Variants in ECPAS observed in about 807,000 individuals in gnomAD.
The protein encoded by ECPAS is proteasome adapter and scaffold protein ECM29.
A neutral mutation model predicts 255.1 loss-of-function variants in ECPAS; 70 were observed. The observed-to-expected ratio is 0.27, with a 90% CI of 0.23 to 0.33. ECPAS has a LOEUF of 0.33. Ranked by LOEUF, ECPAS falls within the 10% of genes least tolerant of loss-of-function variation. The pLI is 1.00. For missense variants in ECPAS, 1,817 were observed against 2,206.4 expected, an observed-to-expected ratio of 0.82 and a Z score of 3.54; for synonymous variants, 784 against 775.0, an observed-to-expected ratio of 1.01 and a Z score of -0.19.
chr9:111,364,851 T>A (rs2098118336), intron 48 of ECPAS, among the ~76,000 whole-genome samples: 1 of 152,208 alleles, frequency 6.6e-6, no homozygotes, highest in African/African-American at 2.4e-5. Context: ...ACAACCTGGA[T>A]ATAATCATGA....
At chr9:111,452,901 C>T (rs1256407963) in intron 2 of ECPAS, among the ~76,000 whole-genome samples, 1 of 152,060 alleles carries the variant, frequency 6.6e-6, no homozygotes, top group Non-Finnish European at 1.5e-5. Context: ...GGGATTGGGG[C>T]AGGTCAAAAA....
rs768277303 is a variant in ECPAS, at chr9:111,418,038, T to TATAA, written c.1560-33_1560-32insTTAT. 1.4e-5 allele frequency: 21 copies of TATAA among 1,546,750 alleles called. No homozygotes were observed. The African/African-American group carries it at 2.6e-4, about 19-fold the overall frequency. On this transcript the variant is annotated intron_variant, in intron 16 of 49. Coordinates refer to ENST00000684092, the MANE Select transcript of ECPAS (RefSeq NM_001364929.1). ...GAAAAAGACAAATAAGAATAAAAAATAAATGTCACCAATGGGAAATGATCA... is the reference window on the plus strand; with the variant it reads ...GAAAAAGACAAATAAGAATAAAAAATATAAAAATGTCACCAATGGGAAATGATCA...
chr9:111,410,916 C>A, intron 22 of ECPAS, 64 bp downstream of exon 22: 1 of 1,458,190 alleles, frequency 6.9e-7, no homozygotes, highest in South Asian at 1.3e-5. Context: ...ACTGAAACGC[C>A]ATATTAAAAT....
At position 111,440,677 on chromosome 9, in the gene ECPAS, G is replaced by A. The variant is rs1448116603; in HGVS notation, c.390-156C>T. Among the ~76,000 whole-genome samples, 6 of 152,138 alleles carry A rather than the reference G, an allele frequency of 3.9e-5. No homozygotes were observed. In the South Asian group the frequency reaches 1.3e-3, roughly 32 times the overall value. ...ACTAATTTACAAAGTCCTAATCTAG[G>A]GACTGGCCTAGAATTCTTTTTTATT... On this transcript the variant is annotated intron_variant, in intron 5 of 49. Transcript: ENST00000684092.
intron 42 of ECPAS, among the ~76,000 whole-genome samples, 180 bp from the exon 43 acceptor site, chr9:111,372,009 G>T (rs889228913): frequency 6.6e-6 from 1 of 152,150 alleles, no homozygotes; most frequent in African/African-American, 2.4e-5. Flanking sequence ...CACAATAGTA[G>T]AACTTTACGA....
rs918508164 is a variant in ECPAS at position 111,384,689 on chromosome 9, A to C, written c.3634-120T>G. 1.9e-5 allele frequency: 16 copies of C among 836,962 alleles called. No homozygotes were observed. The African/African-American group carries it at 2.6e-4, about 13-fold the overall frequency. The allele number at this position is 836,962 out of a possible 1,614,324, so 51.8% of individuals were successfully genotyped here. On this transcript the variant is annotated intron_variant, in intron 33 of 49. Transcript: ENST00000684092. ...GATTTGGTGGAAAATCTTACATTTC[A>C]TATCATGTTAAAAAAATTGGTATCT...
intron 24 of ECPAS, among the ~76,000 whole-genome samples, chr9:111,403,488 T>C (rs1175469966): frequency 1.4e-5 from 2 of 142,054 alleles, no homozygotes; most frequent in South Asian, 2.2e-4. Context: ...ATAAAATAGA[T>C]TTCAAGTCAA....
intron 1 of ECPAS, among the ~76,000 whole-genome samples, chr9:111,478,842 C>T (rs75200647): frequency 0.012 from 1,886 of 152,272 alleles, 48 homozygotes; most frequent in African/African-American, 0.043. Context: ...CTTCCTCTTC[C>T]TCAATAGTAT....
chr9:111,476,235 G>A (rs41465450), intron 1 of ECPAS, among the ~76,000 whole-genome samples: 45,508 of 152,040 alleles, frequency 0.3, 8,394 homozygotes, highest in African/African-American at 0.51. Context: ...CCCAGAATAC[G>A]AAACCACTAA....
At chr9:111,478,658 C>T (rs886303579) in intron 1 of ECPAS, among the ~76,000 whole-genome samples, 9 of 152,102 alleles carry the variant, frequency 5.9e-5, no homozygotes, top group South Asian at 4.1e-4. Context: ...ATTGATATGA[C>T]GTAAATTACT....
At chr9:111,440,811 C>T (rs1322358822) in intron 5 of ECPAS, among the ~76,000 whole-genome samples, 1 of 152,190 alleles carries the variant, frequency 6.6e-6, no homozygotes, top group Non-Finnish European at 1.5e-5. Context: ...TCTGAAGTTT[C>T]CACAAGAGAT....
At chr9:111,449,146 T>C (rs1432397323) in intron 3 of ECPAS, among the ~76,000 whole-genome samples, 2 of 152,128 alleles carry the variant, frequency 1.3e-5, no homozygotes, top group African/African-American at 4.8e-5. Context: ...AGCACTTTTC[T>C]TGACACATAA....
chr9:111,436,132 C>T (rs1055146624), intron 7 of ECPAS, among the ~76,000 whole-genome samples: 11 of 151,922 alleles, frequency 7.2e-5, no homozygotes, highest in Admixed American at 2.0e-4. Context: ...GGCAAGAATG[C>T]CCCACTTGCC....
chr9:111,421,017 C>T (rs2098212712), intron 15 of ECPAS, among the ~76,000 whole-genome samples: 1 of 152,162 alleles, frequency 6.6e-6, no homozygotes, highest in South Asian at 2.1e-4. Context: ...CATCACACTT[C>T]CTTGTAAAGT....
chr9:111,428,614 C>T (rs2098225160), intron 9 of ECPAS, among the ~76,000 whole-genome samples: 1 of 152,066 alleles, frequency 6.6e-6, no homozygotes, highest in African/African-American at 2.4e-5. Context: ...AAAAACCTCG[C>T]TTGCACAGAT....
chr9:111,434,896 C>A (rs1252410006), intron 7 of ECPAS, among the ~76,000 whole-genome samples: 1 of 92,182 alleles, frequency 1.1e-5, no homozygotes, highest in African/African-American at 4.8e-5. Flanking sequence ...CCACATCTGG[C>A]TTTTTTTTTT....
chr9:111,409,966 T>C (rs1214163540), intron 23 of ECPAS, 75 bp downstream of exon 23: 2 of 1,067,294 alleles, frequency 1.9e-6, no homozygotes, highest in Non-Finnish European at 2.7e-6. Flanking sequence ...TCTATTCTCA[T>C]TATAATCTGT....
In ECPAS at chr9:111,428,039, T is replaced by C. The variant is rs368993057; in HGVS notation, c.1050+3A>G. The stretch of plus-strand genomic sequence containing the variant: ...CCAATATTCTCTGGAAAAAACAAAT[T>C]ACCTGAATGTTGGCTGGGAACGTTT... On this transcript the variant is annotated splice_donor_region_variant and intron_variant, in intron 10 of 49. Coordinates refer to ENST00000684092, the MANE Select transcript of ECPAS (RefSeq NM_001364929.1). 5.6e-5 allele frequency: 90 copies of C among 1,612,206 alleles called. No homozygotes were observed. In the African/African-American group the frequency reaches 1.1e-3, roughly 19 times the overall value.
At chr9:111,467,922 C>T (rs1273047839) in intron 2 of ECPAS, among the ~76,000 whole-genome samples, 1 of 152,152 alleles carries the variant, frequency 6.6e-6, no homozygotes, top group Admixed American at 6.5e-5. Context: ...GATTCAGAAG[C>T]TGAACCCAGG....
Sources: gnomAD v4.1 joint callset for allele counts (sites outside exome capture counted in the v4.1 genomes callset) on GRCh38, gnomAD v4.1.1 for gene constraint, MANE v1.5 for transcripts, NCBI Gene and HGNC (gene_info 2026-07-23, HGNC 2026-07-21) for gene names.